Variants in DLGAP1 observed in about 807,000 individuals in gnomAD.
DLGAP1 encodes the protein disks large-associated protein 1.
In DLGAP1, 11 loss-of-function variants were observed where a neutral mutation model predicts 90.8. The ratio of observed to expected loss-of-function variants is 0.12; its 90% CI spans 0.08 to 0.20. The LOEUF is 0.20. DLGAP1 is among the 10% of genes least tolerant of loss of function. The pLI is 1.00. For missense variants in DLGAP1, 1,050 were observed against 1,333.8 expected (o/e 0.79, Z 3.31); for synonymous variants, 558 against 540.7 (o/e 1.03, Z -0.44).
chr18:3,914,758 T>C (rs1342643367), intron 3 of DLGAP1, among the ~76,000 whole-genome samples: 1 of 152,162 alleles, frequency 6.6e-6, no homozygotes, highest in East Asian at 1.9e-4. Context: ...ATAGCCATGT[T>C]ATTATTATTT....
At chr18:3,567,436 T>C in intron 9 of DLGAP1, 54 bp downstream of exon 9, 1 of 1,469,974 alleles carries the variant, frequency 6.8e-7, no homozygotes, top group South Asian at 1.2e-5. Flanking sequence ...GAAAAATGCT[T>C]TTACCTTACT....
chr18:4,031,966 A>G lies in DLGAP1; in HGVS notation c.-158-26765T>C, dbSNP rs1224058196. ...TATGGTCATATGTGAACATATGCAC[A>G]CAGATAAACAAGGTAGCATTATGAG... On this transcript the variant is annotated intron_variant, in intron 2 of 12. Coordinates refer to ENST00000315677, the MANE Select transcript of DLGAP1 (RefSeq NM_004746.4). 2.6e-5 allele frequency among the ~76,000 whole-genome samples: 4 copies of G among 152,234 alleles called. No individual in the cohort carries two copies. In the East Asian group the frequency reaches 5.8e-4, roughly 22 times the overall value.
intron 2 of DLGAP1, among the ~76,000 whole-genome samples, chr18:4,110,340 T>G (rs8092474): frequency 0.49 from 74,002 of 151,768 alleles, 19,058 homozygotes; most frequent in African/African-American, 0.67. Flanking sequence ...CTATCCTATA[T>G]GTATACCATT....
chr18:3,885,053 C>G (rs912487428), intron 3 of DLGAP1, among the ~76,000 whole-genome samples: 1 of 152,180 alleles, frequency 6.6e-6, no homozygotes, highest in Non-Finnish European at 1.5e-5. Flanking sequence ...TCTGTGACTT[C>G]TTGGTGAGCA....
intron 5 of DLGAP1, among the ~76,000 whole-genome samples, chr18:3,764,198 C>A (rs1004367675): frequency 1.3e-5 from 2 of 152,230 alleles, no homozygotes; most frequent in East Asian, 3.9e-4. Flanking sequence ...AAGCTGAAGC[C>A]GACAAGTTTG....
At chr18:3,848,528 T>C (rs1357694373) in intron 4 of DLGAP1, among the ~76,000 whole-genome samples, 2 of 152,104 alleles carry the variant, frequency 1.3e-5, no homozygotes, top group African/African-American at 2.4e-5. Flanking sequence ...CTTAGATACT[T>C]CAAAGTGCTG....
intron 1 of DLGAP1, among the ~76,000 whole-genome samples, chr18:4,174,422 C>G (rs531938982): frequency 3.9e-4 from 59 of 152,094 alleles, no homozygotes; most frequent in Middle Eastern, 3.4e-3. Context: ...GCAACCTCCG[C>G]CCCCCGGGTT....
At chr18:3,658,556 C>T (rs552825428) in intron 7 of DLGAP1, among the ~76,000 whole-genome samples, 10 of 152,194 alleles carry the variant, frequency 6.6e-5, no homozygotes, top group East Asian at 1.9e-4. Context: ...ACCTGTGAAG[C>T]CTTTCATTGC....
chr18:3,696,669 G>C (rs342493), intron 7 of DLGAP1, among the ~76,000 whole-genome samples: 3,447 of 152,146 alleles, frequency 0.023, 150 homozygotes, highest in African/African-American at 0.08. Context: ...TTTTTTTGTT[G>C]TGTCTCTGCC....
In DLGAP1 at chr18:3,685,228, C is replaced by A. The variant is rs561056056; in HGVS notation, c.1591+43907G>T. The stretch of plus-strand genomic sequence containing the variant: ...CAAGAGAAAGGAGCACGACATGGAG[C>A]AAGGTGTCTTTCTCTAGTATTAAGT... On this transcript the variant is annotated intron_variant, in intron 7 of 12. Transcript: ENST00000315677. 2.6e-5 allele frequency among the ~76,000 whole-genome samples: 4 copies of A among 152,214 alleles called. No homozygotes were observed. In the South Asian group the frequency reaches 8.3e-4, roughly 32 times the overall value.
intron 7 of DLGAP1, among the ~76,000 whole-genome samples, chr18:3,588,862 T>A (rs1375476411): frequency 6.6e-6 from 1 of 151,884 alleles, no homozygotes; most frequent in African/African-American, 2.4e-5. Flanking sequence ...AGCTAGCTCA[T>A]GATTGAATAT....
intron 1 of DLGAP1, among the ~76,000 whole-genome samples, chr18:4,250,384 C>T (rs532474596): frequency 3.9e-5 from 6 of 152,226 alleles, no homozygotes; most frequent in South Asian, 2.1e-4. Context: ...TTAACAGGAA[C>T]GAAAAATAAT....
chr18:4,415,038 T>TATAC (rs1160069060), intron 1 of DLGAP1, among the ~76,000 whole-genome samples: 9 of 130,910 alleles, frequency 6.9e-5, no homozygotes, highest in African/African-American at 2.6e-4. Flanking sequence ...TATATATATA[T>TATAC]ACACACACAC....
chr18:3,665,000 T>C (rs983399596), intron 7 of DLGAP1, among the ~76,000 whole-genome samples: 2 of 152,206 alleles, frequency 1.3e-5, no homozygotes, highest in African/African-American at 4.8e-5. Context: ...TGCTATTGTC[T>C]GTGACGGCAG....
intron 1 of DLGAP1, among the ~76,000 whole-genome samples, chr18:4,325,943 T>C (rs1010209892): frequency 3.3e-5 from 5 of 152,072 alleles, no homozygotes; most frequent in Admixed American, 6.6e-5. Flanking sequence ...ATTCTAAACA[T>C]AGAACTTGGC....
At chr18:3,979,163 A>G (rs1949205793) in intron 3 of DLGAP1, among the ~76,000 whole-genome samples, 1 of 152,172 alleles carries the variant, frequency 6.6e-6, no homozygotes, top group Non-Finnish European at 1.5e-5. Flanking sequence ...GCACCACATA[A>G]TAATGTTTCG....
intron 1 of DLGAP1, among the ~76,000 whole-genome samples, chr18:4,186,628 G>A (rs2077300464): frequency 6.6e-6 from 1 of 152,006 alleles, no homozygotes; most frequent in African/African-American, 2.4e-5. Context: ...CTATTCCATT[G>A]GTCTATGTGT....
At chr18:3,663,265 C>T (rs1420471024) in intron 7 of DLGAP1, among the ~76,000 whole-genome samples, 1 of 150,776 alleles carries the variant, frequency 6.6e-6, no homozygotes, top group South Asian at 2.1e-4. Flanking sequence ...GAGCAAGACT[C>T]CCCCTAAAAA....
At chr18:3,502,198 A>G in intron 12 of DLGAP1, 1 of 1,256,452 alleles carries the variant, frequency 8.0e-7, no homozygotes. Context: ...AGCAAAATGG[A>G]GGCAGTTCCT....
Sources: allele counts gnomAD v4.1 joint callset (sites outside exome capture counted in the v4.1 genomes callset), GRCh38; gene constraint gnomAD v4.1.1; transcripts MANE v1.5; gene names NCBI Gene and HGNC (gene_info 2026-07-23, HGNC 2026-07-21).